The following VCL variants were observed in gnomAD, a reference collection of about 807,000 sequenced individuals.
VCL encodes epididymis luminal protein 114.
A neutral mutation model predicts 125.7 loss-of-function variants in VCL; 47 were observed. The observed-to-expected ratio is 0.37, with a 90% CI of 0.30 to 0.48. VCL has a LOEUF of 0.48. VCL is among the 20% of genes least tolerant of loss of function. VCL has a pLI of 0.99. For missense variants in VCL, 1,069 were observed against 1,455.5 expected (o/e 0.73, Z 4.32); for synonymous variants, 458 against 514.6 (o/e 0.89, Z 1.49).
At chr10:74,055,890 G>A (rs1419588387) in intron 2 of VCL, among the ~76,000 whole-genome samples, 2 of 152,062 alleles carry the variant, frequency 1.3e-5, no homozygotes, top group Non-Finnish European at 2.9e-5. Context: ...AGAGAATAAG[G>A]GAAGAAGGGA....
intron 14 of VCL, among the ~76,000 whole-genome samples, chr10:74,102,444 A>G (rs1840075757): frequency 6.6e-6 from 1 of 152,132 alleles, no homozygotes; most frequent in Non-Finnish European, 1.5e-5. Flanking sequence ...TTTTTCTTCT[A>G]TTCAAATTAT....
intron 1 of VCL, among the ~76,000 whole-genome samples, chr10:74,039,897 GGCCCTT>G (rs1453592320): frequency 2.0e-5 from 3 of 152,198 alleles, no homozygotes; most frequent in Non-Finnish European, 2.9e-5. Flanking sequence ...TTTATGATCT[GGCCCTT>G]GCCTTCTTAC....
In VCL at chr10:74,070,884, G is replaced by T. The variant is rs1426546664; in HGVS notation, c.390+64G>T. On this transcript the variant is annotated intron_variant, in intron 3 of 21. Transcript: ENST00000211998. ...ATAATGGAAGATTGATGATTGTTTA[G>T]AATGAAAATATGTTGAATGCTGCAC... 19 of 1,612,158 alleles carry T rather than the reference G, an allele frequency of 1.2e-5. No individual in the cohort carries two copies. The East Asian group carries it at 4.0e-4, about 34-fold the overall frequency.
chr10:74,036,265 C>T (rs1002939282), intron 1 of VCL, among the ~76,000 whole-genome samples: 5 of 152,188 alleles, frequency 3.3e-5, no homozygotes, highest in Admixed American at 6.5e-5. Context: ...TGCCATGGCA[C>T]GATCTCGGCT....
intron 2 of VCL, among the ~76,000 whole-genome samples, chr10:74,054,566 A>T (rs1232737253): frequency 6.6e-6 from 1 of 152,226 alleles, no homozygotes; most frequent in Non-Finnish European, 1.5e-5. Flanking sequence ...CTTTTATTAC[A>T]TTCTACTGTA....
At chr10:73,998,945 T>G (rs1840171951) in intron 1 of VCL, among the ~76,000 whole-genome samples, 1 of 150,100 alleles carries the variant, frequency 6.7e-6, no homozygotes, top group Non-Finnish European at 1.5e-5. Context: ...CAGAGCTCCC[T>G]GTATTCCGCC....
chr10:74,070,720 C>A lies in VCL; in HGVS notation c.290C>A (p.Ser97Ter), dbSNP rs1174697646. 2.5e-6 allele frequency: 4 copies of A among 1,614,032 alleles called. No individual in the cohort carries two copies. The change falls in exon 3 of 22, where the codon TCA (serine) becomes TAA (stop). Residue 97 changes from serine (S) to a stop codon, truncating the protein, a stop_gained. Coordinates refer to ENST00000211998, the MANE Select transcript of VCL (RefSeq NM_014000.3). LOFTEE classifies it high-confidence loss of function. ...GTCCAGGCAGCTCAGATGCTTCAGT[C>A]AGACCCTTACTCAGTGCCTGCTCGA... ...KLVQAAQMLQ[S>*]DPYSVPARDY...
At position 74,087,491 on chromosome 10, in the gene VCL, C is replaced by T. The variant is rs376998759; in HGVS notation, c.1023-1705C>T. ...CTACCGAGTAGCTGGGACTACTAGG[C>T]GCCTGCCACCACGCCTGGCTAATTT... On this transcript the variant is annotated intron_variant, in intron 8 of 21. Transcript: ENST00000211998. Among the ~76,000 whole-genome samples, 11 of 146,380 alleles carry T rather than the reference C, an allele frequency of 7.5e-5. No individual in the cohort carries two copies. In the East Asian group the frequency reaches 1.6e-3, roughly 21 times the overall value.
chr10:74,070,607 A>G, intron 2 of VCL, 63 bp from the exon 3 acceptor site: 1 of 1,606,270 alleles, frequency 6.2e-7, no homozygotes, highest in Non-Finnish European at 8.5e-7. Context: ...CTCTCTTTGT[A>G]TTTGCATATG....
At chr10:74,101,798 G>A (rs535276453) in intron 14 of VCL, among the ~76,000 whole-genome samples, 1 of 149,854 alleles carries the variant, frequency 6.7e-6, no homozygotes, top group South Asian at 2.1e-4. Flanking sequence ...TTTGAAAGTA[G>A]AAAAAATTAG....
chr10:74,077,649 A>C (rs1839612892), intron 6 of VCL: 1 of 442,896 alleles, frequency 2.3e-6, no homozygotes, highest in African/African-American at 2.0e-5. Flanking sequence ...CCCTACCAAT[A>C]AATAATTAAC....
chr10:74,054,307 A>C (rs950843571), intron 2 of VCL, among the ~76,000 whole-genome samples: 17 of 152,186 alleles, frequency 1.1e-4, no homozygotes, highest in African/African-American at 4.1e-4. Flanking sequence ...ATTTCAAAGC[A>C]ATATTGTTAG....
chr10:74,050,371 C>G (rs140570033), intron 2 of VCL, among the ~76,000 whole-genome samples: 1 of 152,106 alleles, frequency 6.6e-6, no homozygotes, highest in Non-Finnish European at 1.5e-5. Context: ...CTTGGGAATT[C>G]TTTGTTTTAA....
intron 1 of VCL, among the ~76,000 whole-genome samples, chr10:74,028,286 G>A (rs1035963645): frequency 3.3e-5 from 5 of 151,422 alleles, no homozygotes; most frequent in Admixed American, 1.3e-4. Context: ...GTCTTGCTAT[G>A]TTGCCCAGGC....
At chr10:74,117,374 G>A (rs1368294703) in intron 21 of VCL, among the ~76,000 whole-genome samples, 9 of 152,162 alleles carry the variant, frequency 5.9e-5, no homozygotes, top group African/African-American at 1.9e-4. Flanking sequence ...AAGGCCAAGC[G>A]CGGTGGCTCA....
Position 74,097,889 on chromosome 10 carries a change from C to T in VCL, c.1872+557C>T, listed in dbSNP as rs1839996681. ...TGCCAGCGATGTGCTGGTAAGCCAA[C>T]TCTCCAGGAAAACGAAAAACCTTGA... On this transcript the variant is annotated intron_variant, in intron 13 of 21. Transcript: ENST00000211998. The surrounding 1 kb of genome is among the most constrained non-coding windows in gnomAD (Gnocchi z 4.1). 1.3e-5 allele frequency among the ~76,000 whole-genome samples: 2 copies of T among 152,170 alleles called. No homozygotes were observed. The highest frequency in any genetic ancestry group is 4.1e-4 in the South Asian group (2 of 4,824).
chr10:74,095,927 G>A, intron 12 of VCL, 72 bp downstream of exon 12: 1 of 1,556,696 alleles, frequency 6.4e-7, no homozygotes, highest in Admixed American at 1.7e-5. Flanking sequence ...AAGGAAGAGA[G>A]AGTTTTGAAA....
chr10:74,096,339 C>T (rs537933415), intron 12 of VCL, among the ~76,000 whole-genome samples: 9 of 151,326 alleles, frequency 5.9e-5, no homozygotes, highest in Non-Finnish European at 1.2e-4. Context: ...GGTGACAGAG[C>T]GAGACTCCAT....
At chr10:74,010,057 C>G (rs765184571) in intron 1 of VCL, among the ~76,000 whole-genome samples, 1 of 151,810 alleles carries the variant, frequency 6.6e-6, no homozygotes, top group Non-Finnish European at 1.5e-5. Context: ...CCCAAGTAGC[C>G]GAGATTACAA....
Sources: gnomAD v4.1 joint callset for allele counts (sites outside exome capture counted in the v4.1 genomes callset) on GRCh38, gnomAD v4.1.1 for gene constraint, Gnocchi (gnomAD v3.1) non-coding constraint, MANE v1.5 for transcripts, NCBI Gene and HGNC (gene_info 2026-07-23, HGNC 2026-07-21) for gene names.